The following BBS9 variants were observed in gnomAD, a reference collection of about 807,000 sequenced individuals.
BBS9 encodes the protein Bardet-Biedl syndrome 9.
BBS9 carries 89 observed loss-of-function variants against 117.7 expected under a neutral mutation model. The observed-to-expected ratio is 0.76, with a 90% confidence interval of 0.64 to 0.90. The LOEUF is 0.90. BBS9 is among the 40% of genes least tolerant of loss of function. The pLI is 0.00. For synonymous variants in BBS9, 379 were observed against 370.9 expected (o/e 1.02, Z -0.25); for missense variants, 982 against 1,042.2 (o/e 0.94, Z 0.80).
chr7:33,627,648 C>T (rs530625318), intron 21 of BBS9, among the ~76,000 whole-genome samples: 10 of 152,322 alleles, frequency 6.6e-5, no homozygotes, highest in African/African-American at 2.4e-4. Flanking sequence ...AGGAGCCCAC[C>T]CCTTGCATCA....
At chr7:33,351,624 G>A (rs1818667179) in intron 14 of BBS9, among the ~76,000 whole-genome samples, 1 of 152,136 alleles carries the variant, frequency 6.6e-6, no homozygotes. Flanking sequence ...TTGAACCAAA[G>A]GCTAGTATTG....
At position 33,182,914 on chromosome 7, in the gene BBS9, T is replaced by TCCCAAAAA. The variant is rs1798287979; in HGVS notation, c.442+5323_442+5324insCCCAAAAA. ...TCCTGGATCCCAAAAAAGGGATGGG[T>TCCCAAAAA]AGCAGCCCATTTCCCATGGGAGTCT... On this transcript the variant is annotated intron_variant, in intron 5 of 22. Coordinates refer to ENST00000242067, the MANE Select transcript of BBS9 (RefSeq NM_198428.3). 1.3e-5 allele frequency among the ~76,000 whole-genome samples: 2 copies of TCCCAAAAA among 152,044 alleles called. 1 individual carries two copies. The highest frequency in any genetic ancestry group is 1.3e-4 in the Admixed American group (2 of 15,252).
intron 21 of BBS9, among the ~76,000 whole-genome samples, chr7:33,612,879 G>C (rs570896256): frequency 1.2e-3 from 182 of 152,108 alleles, no homozygotes; most frequent in Non-Finnish European, 2.1e-3. Context: ...TCAATTTTAG[G>C]CCTGGTCCTC....
At chr7:33,295,390 GA>G (rs996441976) in intron 9 of BBS9, among the ~76,000 whole-genome samples, 1 of 149,928 alleles carries the variant, frequency 6.7e-6, no homozygotes, top group Non-Finnish European at 1.5e-5. Flanking sequence ...TCAATTATTT[GA>G]AAAACAATAA....
intron 9 of BBS9, 57 bp from the exon 10 acceptor site, chr7:33,336,384 C>A: frequency 7.1e-7 from 1 of 1,401,488 alleles, no homozygotes; most frequent in Non-Finnish European, 1.0e-6. Context: ...TGTAGTTGGT[C>A]AAGACTAACT....
At chr7:33,442,305 C>A (rs530749720) in intron 19 of BBS9, among the ~76,000 whole-genome samples, 66 of 152,196 alleles carry the variant, frequency 4.3e-4, no homozygotes, top group African/African-American at 1.3e-3. Flanking sequence ...TGCCAAAGAC[C>A]AGGAAAGAGA....
chr7:33,202,861 C>T (rs1413929011), intron 5 of BBS9, among the ~76,000 whole-genome samples: 3 of 152,206 alleles, frequency 2.0e-5, no homozygotes, highest in Non-Finnish European at 2.9e-5. Flanking sequence ...TCATCCAAAA[C>T]TTAACTTACC....
At chr7:33,619,422 C>A (rs1479383862) in intron 21 of BBS9, among the ~76,000 whole-genome samples, 1 of 152,016 alleles carries the variant, frequency 6.6e-6, no homozygotes, top group Non-Finnish European at 1.5e-5. Context: ...GGACTTCAGA[C>A]CCCACTCTCC....
chr7:33,509,178 CT>C (rs1170883745), intron 20 of BBS9, among the ~76,000 whole-genome samples: 1 of 152,164 alleles, frequency 6.6e-6, no homozygotes, highest in East Asian at 1.9e-4. Context: ...GCTTGTTATG[CT>C]CTTCATCTTT....
At chr7:33,413,387 C>A (rs1831464011) in intron 19 of BBS9, among the ~76,000 whole-genome samples, 1 of 152,090 alleles carries the variant, frequency 6.6e-6, no homozygotes, top group East Asian at 1.9e-4. Flanking sequence ...TAGGTTTCTA[C>A]AATGGTAATT....
intron 20 of BBS9, among the ~76,000 whole-genome samples, chr7:33,520,410 C>T (rs559208543): frequency 9.2e-5 from 14 of 152,126 alleles, no homozygotes; most frequent in Non-Finnish European, 1.8e-4. Flanking sequence ...AGAACTCTCA[C>T]AAGTAAGAAT....
At chr7:33,613,498 T>C (rs1046590913) in intron 21 of BBS9, among the ~76,000 whole-genome samples, 8 of 151,984 alleles carry the variant, frequency 5.3e-5, no homozygotes, top group African/African-American at 1.9e-4. Flanking sequence ...CAGGATTGCT[T>C]GGATAAGAGT....
chr7:33,249,725 C>T (rs1246890402), intron 5 of BBS9, among the ~76,000 whole-genome samples: 1 of 151,804 alleles, frequency 6.6e-6, no homozygotes, highest in African/African-American at 2.4e-5. Context: ...ATTATTTTTT[C>T]CTGTATGGTT....
intron 4 of BBS9, among the ~76,000 whole-genome samples, chr7:33,162,632 T>C (rs1011162066): frequency 1.3e-5 from 2 of 152,144 alleles, no homozygotes; most frequent in Non-Finnish European, 2.9e-5. Flanking sequence ...GCTCTGTTTG[T>C]CTGTTGTTGA....
intron 19 of BBS9, among the ~76,000 whole-genome samples, chr7:33,442,560 A>G (rs1023591116): frequency 1.3e-5 from 2 of 152,234 alleles, no homozygotes; most frequent in Admixed American, 1.3e-4. Context: ...TAAAATAGTA[A>G]GCTAAAGTTT....
At chr7:33,354,678 T>C (rs1331896115) in intron 15 of BBS9, among the ~76,000 whole-genome samples, 1 of 152,120 alleles carries the variant, frequency 6.6e-6, no homozygotes, top group Non-Finnish European at 1.5e-5. Flanking sequence ...TTTTTTCCTT[T>C]ATTTCTTTAA....
intron 21 of BBS9, among the ~76,000 whole-genome samples, chr7:33,593,416 T>G (rs909475191): frequency 1.3e-5 from 2 of 152,104 alleles, no homozygotes; most frequent in African/African-American, 4.8e-5. Context: ...TTGTTTTGTT[T>G]TGTTTTGGTT....
chr7:33,363,787 A>C (rs1460285333), intron 16 of BBS9, among the ~76,000 whole-genome samples: 1 of 151,928 alleles, frequency 6.6e-6, no homozygotes, highest in Non-Finnish European at 1.5e-5. Context: ...GACTACTTCT[A>C]CATCAGCTGA....
At chr7:33,506,357 C>T (rs746692329) in intron 20 of BBS9, among the ~76,000 whole-genome samples, 4 of 152,076 alleles carry the variant, frequency 2.6e-5, no homozygotes, top group Non-Finnish European at 4.4e-5. Context: ...CTTAGTTCTT[C>T]GTATTGGATG....
Sources: allele counts gnomAD v4.1 joint callset (sites outside exome capture counted in the v4.1 genomes callset), GRCh38; gene constraint gnomAD v4.1.1; transcripts MANE v1.5; gene names NCBI Gene and HGNC (gene_info 2026-07-23, HGNC 2026-07-21).